The following USP12 variants were observed in gnomAD, a reference collection of about 807,000 sequenced individuals.
USP12 encodes the protein ubiquitin carboxyl-terminal hydrolase 12.
Under a neutral mutation model 45.5 loss-of-function variants are expected in USP12, and 19 were observed. The observed-to-expected ratio is 0.42, with a 90% confidence interval of 0.29 to 0.61. The LOEUF is 0.61. USP12 is among the 20% of genes least tolerant of loss of function. The pLI is 0.22. For missense variants in USP12, 242 were observed against 447.7 expected (o/e 0.54, Z 4.15); for synonymous variants, 149 against 148.8 (o/e 1.00, Z -0.01).
At chr13:27,112,546 C>G (rs1274490390) in intron 2 of USP12, among the ~76,000 whole-genome samples, 3 of 152,018 alleles carry the variant, frequency 2.0e-5, no homozygotes, top group African/African-American at 7.2e-5. Context: ...TCTTGGCCTC[C>G]CAAAGTGCTG....
intron 1 of USP12, among the ~76,000 whole-genome samples, chr13:27,160,340 T>C (rs1216562994): frequency 6.6e-6 from 1 of 152,082 alleles, no homozygotes; most frequent in African/African-American, 2.4e-5. Context: ...CCAAGTTAAG[T>C]GAAGGCCTCT....
At chr13:27,069,746 G>A (rs1873152667) in intron 8 of USP12, among the ~76,000 whole-genome samples, 2 of 152,182 alleles carry the variant, frequency 1.3e-5, no homozygotes, top group South Asian at 2.1e-4. Context: ...TCAGAAGTTC[G>A]AGACCAGCCT....
At chr13:27,092,659 T>C (rs1874371790) in intron 4 of USP12, among the ~76,000 whole-genome samples, 1 of 152,128 alleles carries the variant, frequency 6.6e-6, no homozygotes, top group African/African-American at 2.4e-5. Context: ...CAGATGGACA[T>C]CCACATGCAA....
At chr13:27,101,698 C>CTCA (rs1874868308) in intron 3 of USP12, among the ~76,000 whole-genome samples, 1 of 152,092 alleles carries the variant, frequency 6.6e-6, no homozygotes. Context: ...TTATGTTCTC[C>CTCA]TCATAATTCA....
At chr13:27,075,440 C>A in intron 6 of USP12, 52 bp from the exon 7 acceptor site, 1 of 1,484,910 alleles carries the variant, frequency 6.7e-7, no homozygotes, top group Non-Finnish European at 9.2e-7. Flanking sequence ...TCCACCATGT[C>A]CTTGAATTAT....
At chr13:27,163,640 A>G (rs1878213318) in intron 1 of USP12, among the ~76,000 whole-genome samples, 1 of 152,020 alleles carries the variant, frequency 6.6e-6, no homozygotes, top group Non-Finnish European at 1.5e-5. Context: ...GTATATGTAA[A>G]GCCCACAAGA....
At chr13:27,069,724 G>T (rs1873151741) in intron 8 of USP12, among the ~76,000 whole-genome samples, 1 of 152,224 alleles carries the variant, frequency 6.6e-6, no homozygotes, top group South Asian at 2.1e-4. Flanking sequence ...AAGGCGGGCA[G>T]ATCACCTGGG....
At chr13:27,166,063 T>C (rs1455670667) in intron 1 of USP12, among the ~76,000 whole-genome samples, 2 of 152,184 alleles carry the variant, frequency 1.3e-5, no homozygotes, top group Admixed American at 6.5e-5. Context: ...AAAGAGTATC[T>C]AGTCCAATCC....
Position 27,092,595 on chromosome 13 carries a change from A to C in USP12, c.574-2437T>G, listed in dbSNP as rs76360122. Reference sequence around the variant, plus strand: ...AGAGTCAACTCATCTTTGACAAAGGAGCAAAGGCAATTCAACAGAGAAAGA... The same window carrying C: ...AGAGTCAACTCATCTTTGACAAAGGCGCAAAGGCAATTCAACAGAGAAAGA... On this transcript the variant is annotated intron_variant, in intron 4 of 8. Coordinates refer to ENST00000282344, the MANE Select transcript of USP12 (RefSeq NM_182488.4). Among the ~76,000 whole-genome samples, 12 of 152,350 alleles carry C rather than the reference A, an allele frequency of 7.9e-5. No individual in the cohort carries two copies. In the East Asian group the frequency reaches 2.3e-3, roughly 29 times the overall value.
At chr13:27,167,158 A>T (rs1450437991) in intron 1 of USP12, among the ~76,000 whole-genome samples, 1 of 152,154 alleles carries the variant, frequency 6.6e-6, no homozygotes, top group East Asian at 1.9e-4. Context: ...GCTACTCGGG[A>T]GGCTGAGGCA....
At chr13:27,144,245 C>T (rs1593206274) in intron 1 of USP12, among the ~76,000 whole-genome samples, 1 of 152,058 alleles carries the variant, frequency 6.6e-6, no homozygotes, top group East Asian at 1.9e-4. Flanking sequence ...CACCTGTAAC[C>T]CCAGTGCTTT....
intron 1 of USP12, among the ~76,000 whole-genome samples, chr13:27,168,549 C>T (rs1878448290): frequency 1.3e-5 from 2 of 152,264 alleles, no homozygotes; most frequent in Middle Eastern, 3.4e-3. Flanking sequence ...GCAGGTACTC[C>T]GTGCCAGGCC....
chr13:27,140,897 T>A (rs1474602705), intron 1 of USP12, among the ~76,000 whole-genome samples: 1 of 151,564 alleles, frequency 6.6e-6, no homozygotes, highest in South Asian at 2.1e-4. Context: ...TTCAGAAACG[T>A]CACACAAGAA....
Position 27,105,935 on chromosome 13 carries a change from T to A in USP12, c.139A>T (p.Thr47Ser), listed in dbSNP as rs904849390. ...HYFGLVNFGN[T>S]CYCNSVLQAL... is the part of the protein sequence containing the mutation. ...TGAAGAACTGAATTGCAGTAGCAGG[T>A]ATTCCCAAACTGCAACAGAAAAAAA... The change falls in exon 3 of 9, where the codon ACC becomes TCC. Residue 47 changes from threonine (T) to serine (S), a missense_variant. Around this residue, in one of 5 missense-constraint regions of USP12, gnomAD observed 77 missense variants for 153.7 expected, o/e 0.50. Transcript: ENST00000282344. The A allele has an allele frequency of 1.2e-6, 2 of 1,606,542 alleles. No individual in the cohort carries two copies. The highest frequency in any genetic ancestry group is 1.7e-6 in the Non-Finnish European group (2 of 1,178,028).
Position 27,073,161 on chromosome 13 carries a change from G to A in USP12, c.933-2012C>T, listed in dbSNP as rs571307422. 4.6e-4 allele frequency among the ~76,000 whole-genome samples: 70 copies of A among 151,972 alleles called. 1 individual carries two copies. The Middle Eastern group carries it at 0.014, about 30-fold the overall frequency. On this transcript the variant is annotated intron_variant, in intron 7 of 8. Coordinates refer to ENST00000282344, the MANE Select transcript of USP12 (RefSeq NM_182488.4). ...CAAGGAAGACTTCCAGAGCGGAGGG[G>A]CAGGAAGGCATGAGGCAATGAGAGT...
chr13:27,087,122 T>TGC lies in USP12; in HGVS notation c.734+2759_734+2760dup, dbSNP rs1312838195. On this transcript the variant is annotated intron_variant, in intron 6 of 8. Coordinates refer to ENST00000282344, the MANE Select transcript of USP12 (RefSeq NM_182488.4). ...GGCTGTGTGTGTGTGTGTGTGTGTG[T>TGC]GCGTGTGTGAGAGTGTGTGTGTGTT... Among the ~76,000 whole-genome samples the TGC allele has an allele frequency of 6.0e-3, 904 of 151,240 alleles. 4 individuals are homozygous for TGC. Among genetic ancestry groups the TGC allele is most frequent in the Middle Eastern group, 0.014 (4 of 292 alleles).
chr13:27,103,607 A>AAAAAAAAAAAAAAT (rs372985958), intron 3 of USP12, among the ~76,000 whole-genome samples: 1 of 128,514 alleles, frequency 7.8e-6, no homozygotes, highest in Non-Finnish European at 1.6e-5. Context: ...TCAAAAAAAA[A>AAAAAAAAAAAAAAT]AATAATAATA....
Position 27,076,029 on chromosome 13 carries a change from C to CAAAAAAAAAAAAA in USP12, c.735-654_735-642dup, listed in dbSNP as rs11458818. 4.7e-3 allele frequency among the ~76,000 whole-genome samples: 462 copies of CAAAAAAAAAAAAA among 97,896 alleles called. 4 individuals are homozygous for CAAAAAAAAAAAAA. Among genetic ancestry groups the CAAAAAAAAAAAAA allele is most frequent in the Middle Eastern group, 0.012 (2 of 172 alleles). The allele number at this position is 97,896 out of a possible 152,430, so 64.2% of individuals were successfully genotyped here. A position where few individuals can be genotyped will look rare whatever the true frequency, so the allele number is the denominator to read the frequency against. On this transcript the variant is annotated intron_variant, in intron 6 of 8. Coordinates refer to ENST00000282344, the MANE Select transcript of USP12 (RefSeq NM_182488.4). The stretch of plus-strand genomic sequence containing the variant: ...TGGGTGACAGAGCAAGGCTCCGTCT[C>CAAAAAAAAAAAAA]AAAAAAAAAAAAAAAAAAGAGTGGT...
intron 2 of USP12, among the ~76,000 whole-genome samples, chr13:27,113,250 C>G (rs528824534): frequency 1.3e-5 from 2 of 152,158 alleles, no homozygotes; most frequent in Admixed American, 1.3e-4. Flanking sequence ...GAGCAAGACC[C>G]TTTCTCAAAA....
Sources: allele counts gnomAD v4.1 joint callset (sites outside exome capture counted in the v4.1 genomes callset), GRCh38; gene constraint gnomAD v4.1.1; regional missense constraint gnomAD v4.1.1; transcripts MANE v1.5; gene names NCBI Gene and HGNC (gene_info 2026-07-23, HGNC 2026-07-21).